SLC1A6: variants seen among roughly 807,000 people sequenced by gnomAD.
The protein encoded by SLC1A6 is excitatory amino acid transporter 4.
A neutral mutation model predicts 42.1 loss-of-function variants in SLC1A6; 15 were observed. The ratio of observed to expected loss-of-function variants is 0.36; its 90% confidence interval spans 0.24 to 0.55. The LOEUF is 0.55. SLC1A6 is among the 20% of genes least tolerant of loss of function. The pLI is 0.88. For missense variants in SLC1A6, 542 were observed against 772.5 expected, an observed-to-expected ratio of 0.70 and a Z score of 3.54; for synonymous variants, 317 against 319.7, an observed-to-expected ratio of 0.99 and a Z score of 0.09.
chr19:14,976,317 T>G (rs1169888018), intron 1 of SLC1A6, among the ~76,000 whole-genome samples: 1 of 152,232 alleles, frequency 6.6e-6, no homozygotes, highest in Non-Finnish European at 1.5e-5. Context: ...GTGATATAGA[T>G]AAGTTTATCA....
chr19:14,964,188 C>T (rs2045547879), intron 5 of SLC1A6, 131 bp downstream of exon 5: 1 of 747,486 alleles, frequency 1.3e-6, no homozygotes, highest in Non-Finnish European at 2.4e-6. Context: ...TTCTCCTAGA[C>T]TCCTCAAGAA....
At chr19:14,954,046 A>C (rs2269913) in intron 8 of SLC1A6, 89 bp downstream of exon 8, 550,312 of 839,592 alleles carry the variant, frequency 0.66, 187,558 homozygotes, top group African/African-American at 0.84. Context: ...GCTCCAGCTG[A>C]GGCCCCCTCC....
intron 1 of SLC1A6, among the ~76,000 whole-genome samples, chr19:15,000,372 T>C (rs2045866961): frequency 6.6e-6 from 1 of 152,182 alleles, no homozygotes; most frequent in Non-Finnish European, 1.5e-5. Flanking sequence ...ATCTCCCCAA[T>C]TGCCCCCAAT....
chr19:14,999,682 G>C (rs150509909), intron 1 of SLC1A6, among the ~76,000 whole-genome samples: 24 of 152,314 alleles, frequency 1.6e-4, no homozygotes, highest in African/African-American at 5.3e-4. Context: ...AGTACACACA[G>C]TCTCCAACTT....
intron 9 of SLC1A6, among the ~76,000 whole-genome samples, chr19:14,950,681 A>G (rs575781989): frequency 2.0e-4 from 30 of 152,172 alleles, no homozygotes; most frequent in African/African-American, 7.0e-4. Context: ...TTAAAAAGAT[A>G]TGATCCCAGC....
chr19:14,976,361 A>G (rs1456258312), intron 1 of SLC1A6, among the ~76,000 whole-genome samples: 2 of 152,230 alleles, frequency 1.3e-5, no homozygotes, highest in Non-Finnish European at 2.9e-5. Flanking sequence ...TCACATTTAT[A>G]TCAATATCAC....
At chr19:15,000,024 G>A (rs1290484569) in intron 1 of SLC1A6, among the ~76,000 whole-genome samples, 1 of 145,478 alleles carries the variant, frequency 6.9e-6, no homozygotes, top group Non-Finnish European at 1.5e-5. Flanking sequence ...AGGCCCCGGT[G>A]TGTGAGGTTC....
Position 15,008,703 on chromosome 19 carries a change from G to T in SLC1A6, c.6+1782C>A, listed in dbSNP as rs553133926. ...TTGGATGTTAAAATATGGTATACAA[G>T]CTGGGTGCGGTGATTTCCCCCTGTA... On this transcript the variant is annotated intron_variant, in intron 1 of 8. Transcript: ENST00000430939. Among the ~76,000 whole-genome samples, 228 of 152,188 alleles carry T rather than the reference G, an allele frequency of 1.5e-3. 3 individuals are homozygous for T. The highest frequency in any genetic ancestry group is 6.8e-3 in the Middle Eastern group (2 of 292).
chr19:14,974,641 A>T (rs2145209203), intron 1 of SLC1A6: 1 of 152,140 alleles, frequency 6.6e-6, no homozygotes, highest in African/African-American at 2.4e-5. Context: ...CTGCATTCAT[A>T]TAAAGAAAAA....
intron 3 of SLC1A6, among the ~76,000 whole-genome samples, chr19:14,970,228 T>A (rs2045622167): frequency 6.6e-6 from 1 of 152,114 alleles, no homozygotes; most frequent in Admixed American, 6.6e-5. Context: ...TATCACCATA[T>A]CCTGCTGATT....
At chr19:14,970,507 C>G (rs373612807) in intron 3 of SLC1A6, among the ~76,000 whole-genome samples, 54 of 151,640 alleles carry the variant, frequency 3.6e-4, no homozygotes, top group African/African-American at 1.1e-3. Context: ...GTCAGGAGAT[C>G]GAGACCATCC....
chr19:14,974,049 A>G (rs933572157), intron 1 of SLC1A6: 1 of 152,226 alleles, frequency 6.6e-6, no homozygotes, highest in Admixed American at 6.5e-5. Flanking sequence ...ATGTGTCCTT[A>G]TTCACTTACC....
At chr19:14,978,290 G>C (rs2045733145) in intron 1 of SLC1A6, 1 of 152,164 alleles carries the variant, frequency 6.6e-6, no homozygotes, top group Admixed American at 6.5e-5. Context: ...ACTAAAGCAA[G>C]CTACAGTGAG....
At chr19:14,987,744 A>C (rs562734820) in intron 1 of SLC1A6, among the ~76,000 whole-genome samples, 1 of 152,166 alleles carries the variant, frequency 6.6e-6, no homozygotes, top group Non-Finnish European at 1.5e-5. Context: ...AGTCTCCCCC[A>C]GTATGTTCCA....
intron 1 of SLC1A6, chr19:14,973,351 T>C (rs1420038459): frequency 1.2e-5 from 2 of 163,650 alleles, no homozygotes; most frequent in Non-Finnish European, 1.3e-5. Flanking sequence ...GCCCAGAAGT[T>C]TGAGGCTGCA....
At position 14,972,694 on chromosome 19, in the gene SLC1A6, G is replaced by A. The variant is rs1383906775; in HGVS notation, c.205+12C>T. The A allele has an allele frequency of 3.1e-6, 5 of 1,611,946 alleles. No homozygotes were observed. In the African/African-American group the frequency reaches 4.0e-5, roughly 13 times the overall value. On this transcript the variant is annotated intron_variant, in intron 2 of 9. Transcript: ENST00000594383. ...TCCCTGAAGTCCCCGCCCTCCAAGA[G>A]GCAGAGCTCACCAATGACCACGGCG...
At chr19:14,955,733 G>A (rs1193453563) in intron 7 of SLC1A6, among the ~76,000 whole-genome samples, 4 of 151,934 alleles carry the variant, frequency 2.6e-5, no homozygotes, top group East Asian at 1.9e-4. Flanking sequence ...CCAGGTGTTC[G>A]AGACCAGCCT....
chr19:14,955,337 T>C (rs2045451894), intron 7 of SLC1A6, among the ~76,000 whole-genome samples: 1 of 152,122 alleles, frequency 6.6e-6, no homozygotes, highest in South Asian at 2.1e-4. Flanking sequence ...CACAGCACTT[T>C]GGGAGAGCGA....
At chr19:15,007,079 A>G (rs1163343887) in intron 1 of SLC1A6, among the ~76,000 whole-genome samples, 1 of 152,242 alleles carries the variant, frequency 6.6e-6, no homozygotes, top group Non-Finnish European at 1.5e-5. Context: ...GTGGAATACA[A>G]TGGTAAATAG....
Sources: allele counts gnomAD v4.1 joint callset (sites outside exome capture counted in the v4.1 genomes callset), GRCh38; gene constraint gnomAD v4.1.1; transcripts MANE v1.5; gene names NCBI Gene and HGNC (gene_info 2026-07-23, HGNC 2026-07-21).